PDE1C: variants seen among roughly 807,000 people sequenced by gnomAD.
PDE1C encodes phosphodiesterase 1C, also known as dual specificity calcium/calmodulin-dependent 3',5'-cyclic nucleotide phosphodiesterase 1C.
In PDE1C, 62 loss-of-function variants were observed where a neutral mutation model predicts 93.1. The ratio of observed to expected loss-of-function variants is 0.67; its 90% CI spans 0.54 to 0.82. The LOEUF is 0.82. PDE1C is among the 40% of genes least tolerant of loss of function. The pLI is 0.00. For synonymous variants in PDE1C, 325 were observed against 310.1 expected, an observed-to-expected ratio of 1.05 and a Z score of -0.50; for missense variants, 742 against 884.6, an observed-to-expected ratio of 0.84 and a Z score of 2.04.
At chr7:32,237,281 G>T (rs1159993133) in intron 1 of PDE1C, among the ~76,000 whole-genome samples, 1 of 148,548 alleles carries the variant, frequency 6.7e-6, no homozygotes, top group African/African-American at 2.5e-5. Flanking sequence ...TAGAGACAGG[G>T]TTTCACAGCG....
the PDE1C span, among the ~76,000 whole-genome samples, chr7:31,696,526 G>A: frequency 2.0e-5 from 3 of 152,196 alleles, no homozygotes; most frequent in African/African-American, 7.2e-5. Context: ...GAAAGCAGGA[G>A]GGCGGAGGTA....
At chr7:32,316,087 A>G (rs1783164562) in intron 1 of PDE1C, among the ~76,000 whole-genome samples, 1 of 152,240 alleles carries the variant, frequency 6.6e-6, no homozygotes, top group Non-Finnish European at 1.5e-5. Flanking sequence ...TGATATTCTC[A>G]CTAGACTGTA....
chr7:31,852,090 A>G (rs3801346), intron 7 of PDE1C, among the ~76,000 whole-genome samples: 29,932 of 152,176 alleles, frequency 0.2, 3,060 homozygotes, highest in Middle Eastern at 0.29. Flanking sequence ...GTTAAAATGA[A>G]CATTTAAGTG....
intron 16 of PDE1C, among the ~76,000 whole-genome samples, chr7:31,781,649 G>A (rs887898781): frequency 6.6e-6 from 1 of 151,900 alleles, no homozygotes; most frequent in African/African-American, 2.4e-5. Flanking sequence ...TCTGCTTCAG[G>A]CTGTGGGAAC....
intron 16 of PDE1C, among the ~76,000 whole-genome samples, chr7:31,778,499 C>A (rs1234291896): frequency 6.6e-6 from 1 of 152,156 alleles, no homozygotes; most frequent in Non-Finnish European, 1.5e-5. Context: ...TGTCCCTGGC[C>A]TCTACCCATG....
At chr7:32,273,655 A>T (rs928435395) in intron 1 of PDE1C, among the ~76,000 whole-genome samples, 1 of 152,180 alleles carries the variant, frequency 6.6e-6, no homozygotes, top group Non-Finnish European at 1.5e-5. Flanking sequence ...TGAGAACCAG[A>T]GGGTAAAGTT....
intron 3 of PDE1C, among the ~76,000 whole-genome samples, chr7:32,116,356 CAG>C: frequency 1.3e-5 from 2 of 152,002 alleles, no homozygotes; most frequent in Admixed American, 1.3e-4. Flanking sequence ...TAACTGTACT[CAG>C]AAAACCCCAT....
At chr7:31,834,663 C>T (rs6462307) in intron 11 of PDE1C, among the ~76,000 whole-genome samples, 93,646 of 151,434 alleles carry the variant, frequency 0.62, 29,570 homozygotes, top group East Asian at 0.69. Context: ...ATGCCTGTAC[C>T]CCCATTGTAT....
chr7:32,395,906 C>G (rs1349536428), intron 1 of PDE1C, among the ~76,000 whole-genome samples: 1 of 152,062 alleles, frequency 6.6e-6, no homozygotes, highest in African/African-American at 2.4e-5. Flanking sequence ...TTCTTCTTGC[C>G]TTCAAATTTA....
intron 7 of PDE1C, among the ~76,000 whole-genome samples, chr7:31,855,004 T>C (rs1426112903): frequency 2.1e-5 from 3 of 145,182 alleles, no homozygotes; most frequent in African/African-American, 7.7e-5. Flanking sequence ...GAGGCGGAGG[T>C]TGCAGTGAGC....
intron 2 of PDE1C, among the ~76,000 whole-genome samples, chr7:31,913,652 A>G (rs1284086794): frequency 6.6e-6 from 1 of 152,188 alleles, no homozygotes; most frequent in Non-Finnish European, 1.5e-5. Flanking sequence ...CAAGTGATCA[A>G]GTCTGAGAGC....
chr7:32,422,499 C>A (rs1009427536), intron 1 of PDE1C, among the ~76,000 whole-genome samples: 1 of 143,018 alleles, frequency 7.0e-6, no homozygotes, highest in Non-Finnish European at 1.5e-5. Flanking sequence ...GGCCTCCCCC[C>A]TCAGCTAGTC....
chr7:31,685,451 C>G, the PDE1C span, among the ~76,000 whole-genome samples: 1 of 152,170 alleles, frequency 6.6e-6, no homozygotes, highest in Non-Finnish European at 1.5e-5. Context: ...TCCCTCACAA[C>G]GACATGTAGA....
At chr7:32,126,551 T>A (rs922708011) in intron 3 of PDE1C, among the ~76,000 whole-genome samples, 4 of 152,178 alleles carry the variant, frequency 2.6e-5, no homozygotes, top group Admixed American at 2.6e-4. Context: ...TATGAAAAAC[T>A]GATGTATTAC....
At chr7:32,232,252 A>C (rs1463748676) in intron 1 of PDE1C, among the ~76,000 whole-genome samples, 1 of 152,222 alleles carries the variant, frequency 6.6e-6, no homozygotes, top group Non-Finnish European at 1.5e-5. Flanking sequence ...ATCAGCGTGA[A>C]TGAAGAGAAT....
the PDE1C span, among the ~76,000 whole-genome samples, chr7:31,665,061 A>G: frequency 6.6e-6 from 1 of 152,114 alleles, no homozygotes; most frequent in Non-Finnish European, 1.5e-5. Flanking sequence ...ACCTAATTTC[A>G]TACCATTTCC....
At chr7:31,667,833 T>A in the PDE1C span, among the ~76,000 whole-genome samples, 1 of 151,396 alleles carries the variant, frequency 6.6e-6, no homozygotes, top group African/African-American at 2.4e-5. Flanking sequence ...GGAGGATGAA[T>A]CTGGGAAAAA....
chr7:31,828,442 C>A (rs909671716), intron 11 of PDE1C, 69 bp from the exon 12 acceptor site: 13 of 1,153,174 alleles, frequency 1.1e-5, no homozygotes, highest in Non-Finnish European at 1.5e-5. Context: ...CATTTAGCAA[C>A]TTCTGCCGCC....
At chr7:31,934,361 T>C (rs11770536) in intron 2 of PDE1C, among the ~76,000 whole-genome samples, 83,198 of 152,020 alleles carry the variant, frequency 0.55, 22,980 homozygotes, top group Non-Finnish European at 0.57. Context: ...AGCCTTAGTT[T>C]ATTAATGACA....
Sources: allele counts gnomAD v4.1 joint callset (sites outside exome capture counted in the v4.1 genomes callset), GRCh38; gene constraint gnomAD v4.1.1; transcripts MANE v1.5; gene names NCBI Gene and HGNC (gene_info 2026-07-23, HGNC 2026-07-21).